THSD7A: variants seen among roughly 807,000 people sequenced by gnomAD.
The protein encoded by THSD7A is thrombospondin type 1 domain containing 7A.
A neutral mutation model predicts 231.3 loss-of-function variants in THSD7A; 96 were observed. The observed-to-expected ratio is 0.41, with a 90% confidence interval of 0.35 to 0.49. The LOEUF is 0.49. Among genes scored for constraint, THSD7A ranks in the 20% least tolerant of loss-of-function variants. The pLI, the probability that THSD7A is intolerant of heterozygous loss-of-function variation, is 0.05. For synonymous variants in THSD7A, 940 were observed against 743.3 expected (o/e 1.26, Z -4.30); for missense variants, 2,290 against 2,070.2 (o/e 1.11, Z -2.06).
chr7:11,662,939 A>C (rs1222068997), intron 1 of THSD7A, among the ~76,000 whole-genome samples: 1 of 151,444 alleles, frequency 6.6e-6, no homozygotes, highest in Non-Finnish European at 1.5e-5. Context: ...TAAATGCTTA[A>C]GTTATAAGTA....
intron 1 of THSD7A, among the ~76,000 whole-genome samples, chr7:11,750,982 T>C (rs1217893498): frequency 1.3e-5 from 2 of 151,922 alleles, no homozygotes; most frequent in African/African-American, 4.8e-5. Context: ...CCAAGAAGTA[T>C]CATTAGATGA....
intron 24 of THSD7A, among the ~76,000 whole-genome samples, chr7:11,380,917 G>A (rs935357979): frequency 9.2e-5 from 14 of 152,104 alleles, no homozygotes; most frequent in African/African-American, 3.1e-4. Context: ...TTTAAAATTC[G>A]ACTTACCTTT....
chr7:11,534,215 C>T (rs181436222), intron 6 of THSD7A, among the ~76,000 whole-genome samples: 2 of 152,194 alleles, frequency 1.3e-5, no homozygotes, highest in East Asian at 3.9e-4. Context: ...GAGAGTAGAC[C>T]ATAGTAAATT....
intron 6 of THSD7A, among the ~76,000 whole-genome samples, chr7:11,515,172 C>T (rs1787979942): frequency 6.6e-6 from 1 of 152,140 alleles, no homozygotes; most frequent in African/African-American, 2.4e-5. Flanking sequence ...AAACATTTCA[C>T]TATGATTTTA....
intron 1 of THSD7A, among the ~76,000 whole-genome samples, chr7:11,779,338 G>T (rs1435061109): frequency 6.6e-6 from 1 of 151,704 alleles, no homozygotes; most frequent in Non-Finnish European, 1.5e-5. Context: ...CACCTTAATG[G>T]TCGGTATTAG....
intron 6 of THSD7A, among the ~76,000 whole-genome samples, chr7:11,530,187 T>A (rs1562689595): frequency 1.3e-5 from 2 of 152,172 alleles, no homozygotes; most frequent in Admixed American, 1.3e-4. Flanking sequence ...TACATTTATT[T>A]TTTTCTTCCT....
Position 11,718,524 on chromosome 7 carries a change from GC to G in THSD7A, c.191-81564del, listed in dbSNP as rs368919895. Among the ~76,000 whole-genome samples the G allele has an allele frequency of 2.6e-3, 391 of 151,696 alleles. 3 individuals carry two copies. Among genetic ancestry groups the G allele is most frequent in the African/African-American group, 9.1e-3 (376 of 41,482 alleles). On this transcript the variant is annotated intron_variant, in intron 1 of 27. Transcript: ENST00000423059. ...GCATTCCATGGAACTAGCAGGTAGT[GC>G]ATTCAAGCTAGTGTCTACCATTAAA...
At chr7:11,813,069 C>T (rs1209876654) in intron 1 of THSD7A, among the ~76,000 whole-genome samples, 1 of 152,214 alleles carries the variant, frequency 6.6e-6, no homozygotes, top group Non-Finnish European at 1.5e-5. Context: ...ACTTCCAAAA[C>T]AGGTTAGCAT....
In THSD7A at chr7:11,662,547, A is replaced by T. The variant is rs921329971; in HGVS notation, c.191-25586T>A. Among the ~76,000 whole-genome samples the T allele has an allele frequency of 8.6e-4, 130 of 151,530 alleles. 1 individual carries two copies. The highest frequency in any genetic ancestry group is 3.1e-3 in the African/African-American group (129 of 41,498). ...GAAGATTAGAACAACATGATTAACA[A>T]AATAACATAATTGGCATACACACAC... On this transcript the variant is annotated intron_variant, in intron 1 of 27. Transcript: ENST00000423059.
At chr7:11,457,908 T>G (rs1210175327) in intron 11 of THSD7A, among the ~76,000 whole-genome samples, 1 of 152,100 alleles carries the variant, frequency 6.6e-6, no homozygotes, top group African/African-American at 2.4e-5. Flanking sequence ...TTCAAATGAT[T>G]GGCTTTGCAA....
At chr7:11,698,275 T>A (rs1405320) in intron 1 of THSD7A, among the ~76,000 whole-genome samples, 36,012 of 151,198 alleles carry the variant, frequency 0.24, 4,667 homozygotes, top group Non-Finnish European at 0.3. Context: ...TCGTGGTAGA[T>A]AGGAGCTTGT....
In THSD7A at chr7:11,556,319, A is replaced by T. The variant is rs1003019106; in HGVS notation, c.1454-13202T>A. ...TATGTGTATATATGTACATATATAT[A>T]CAAGATATACTATATATATATATCT... is the stretch of plus-strand genomic sequence containing the variant. On this transcript the variant is annotated intron_variant, in intron 4 of 27. Transcript: ENST00000423059. Among the ~76,000 whole-genome samples, 6 of 148,322 alleles carry T rather than the reference A, an allele frequency of 4.0e-5. 2 individuals carry two copies. The highest frequency in any genetic ancestry group is 6.8e-5 in the Admixed American group (1 of 14,638).
At chr7:11,815,811 T>G (rs1229578125) in intron 1 of THSD7A, among the ~76,000 whole-genome samples, 1 of 152,170 alleles carries the variant, frequency 6.6e-6, no homozygotes, top group African/African-American at 2.4e-5. Context: ...CTTATTATTA[T>G]GAAAAGACTG....
chr7:11,566,047 TA>T (rs35310582), intron 4 of THSD7A, among the ~76,000 whole-genome samples: 12,435 of 152,082 alleles, frequency 0.082, 1,223 homozygotes, highest in African/African-American at 0.22. Context: ...CAAGGCTCCT[TA>T]AAAAAATAGC....
intron 1 of THSD7A, among the ~76,000 whole-genome samples, chr7:11,721,334 C>T (rs75077596): frequency 0.096 from 14,578 of 151,708 alleles, 881 homozygotes; most frequent in South Asian, 0.15. Context: ...TTTCCCCTTG[C>T]TAATCTTATG....
chr7:11,405,010 A>G (rs908785076), intron 22 of THSD7A, among the ~76,000 whole-genome samples: 12 of 152,144 alleles, frequency 7.9e-5, no homozygotes, highest in African/African-American at 2.9e-4. Context: ...CCATGTGTGC[A>G]AAGATCAATA....
chr7:11,613,006 T>C (rs897179992), intron 2 of THSD7A, among the ~76,000 whole-genome samples: 1 of 152,170 alleles, frequency 6.6e-6, no homozygotes, highest in East Asian at 1.9e-4. Context: ...TTTATGTCAT[T>C]ATCCCATAGG....
At chr7:11,584,573 C>T (rs1161747752) in intron 4 of THSD7A, among the ~76,000 whole-genome samples, 1 of 151,872 alleles carries the variant, frequency 6.6e-6, no homozygotes, top group Non-Finnish European at 1.5e-5. Flanking sequence ...TATCTTCAGG[C>T]AAATAAAGTT....
At chr7:11,760,545 C>T (rs563777998) in intron 1 of THSD7A, among the ~76,000 whole-genome samples, 214 of 152,076 alleles carry the variant, frequency 1.4e-3, no homozygotes, top group African/African-American at 4.9e-3. Context: ...TCTTCTTGTT[C>T]GCTGAGCTTC....
Sources: allele counts gnomAD v4.1 joint callset (sites outside exome capture counted in the v4.1 genomes callset), GRCh38; gene constraint gnomAD v4.1.1; transcripts MANE v1.5; gene names NCBI Gene and HGNC (gene_info 2026-07-23, HGNC 2026-07-21).